The following ADD3 variants were observed in gnomAD, a reference collection of about 807,000 sequenced individuals.
The protein encoded by ADD3 is adducin 3.
In ADD3, 25 loss-of-function variants were observed where a neutral mutation model predicts 80.2. The ratio of observed to expected loss-of-function variants is 0.31; its 90% CI spans 0.23 to 0.44. The LOEUF is 0.44. Among genes scored for constraint, ADD3 ranks in the 20% least tolerant of loss-of-function variants. The pLI, the probability that ADD3 is intolerant of heterozygous loss-of-function variation, is 1.00. For missense variants in ADD3, 829 were observed against 847.5 expected (o/e 0.98, Z 0.27); for synonymous variants, 284 against 289.6 (o/e 0.98, Z 0.20).
intron 1 of ADD3, among the ~76,000 whole-genome samples, chr10:110,092,847 G>C (rs147800576): frequency 0.011 from 1,613 of 151,984 alleles, 11 homozygotes; most frequent in Non-Finnish European, 0.017. Context: ...CCTTTTCATA[G>C]AGTTGTGAAG....
At position 110,122,091 on chromosome 10, in the gene ADD3, A is replaced by G; in HGVS notation, c.961-19A>G. 6.3e-7 allele frequency: 1 copy of G among 1,593,142 alleles called. No homozygotes were observed. The highest frequency in any genetic ancestry group is 8.5e-7 in the Non-Finnish European group (1 of 1,170,318). ...TCTTTATAGTTTTGTGTCTCTGTATATTTTACCATTGATTACAGGTGCAGG... is the reference window on the plus strand; with the variant it reads ...TCTTTATAGTTTTGTGTCTCTGTATGTTTTACCATTGATTACAGGTGCAGG... On this transcript the variant is annotated intron_variant, in intron 8 of 14. Transcript: ENST00000356080.
intron 13 of ADD3, 80 bp from the exon 14 acceptor site, chr10:110,132,225 A>T: frequency 2.3e-6 from 2 of 873,488 alleles, no homozygotes; most frequent in Non-Finnish European, 3.8e-6. Flanking sequence ...CAGGCATTTG[A>T]TGTATGCACT....
chr10:110,037,231 A>G (rs1162673397), intron 1 of ADD3, among the ~76,000 whole-genome samples: 1 of 152,216 alleles, frequency 6.6e-6, no homozygotes, highest in Admixed American at 6.5e-5. Flanking sequence ...CAGTCTTACC[A>G]TGGGTTCCTA....
intron 1 of ADD3, among the ~76,000 whole-genome samples, chr10:110,065,728 C>T (rs560042993): frequency 1.6e-4 from 24 of 150,230 alleles, no homozygotes; most frequent in Middle Eastern, 3.4e-3. Context: ...TTAGTAGAGA[C>T]GAGGTTTCAC....
At chr10:110,123,768 G>A (rs7906734) in intron 9 of ADD3, 5 of 449,080 alleles carry the variant, frequency 1.1e-5, no homozygotes, top group African/African-American at 3.9e-5. Context: ...AGAACTGTTC[G>A]TTTGTCGGGA....
chr10:110,055,646 C>T (rs1055102485), intron 1 of ADD3, among the ~76,000 whole-genome samples: 2 of 152,116 alleles, frequency 1.3e-5, no homozygotes, highest in Non-Finnish European at 2.9e-5. Context: ...AGGCAGGCAT[C>T]AGAGTCTTTG....
chr10:110,029,423 T>C (rs1854721177), intron 1 of ADD3, among the ~76,000 whole-genome samples: 1 of 152,252 alleles, frequency 6.6e-6, no homozygotes, highest in African/African-American at 2.4e-5. Context: ...TAATTTGTAC[T>C]TTCTATGACA....
intron 1 of ADD3, among the ~76,000 whole-genome samples, chr10:110,055,003 C>T (rs563715988): frequency 6.6e-5 from 10 of 151,920 alleles, no homozygotes; most frequent in East Asian, 3.9e-4. Flanking sequence ...CCTCGTGATC[C>T]GCCTTCCTCT....
chr10:110,124,030 G>C lies in ADD3; in HGVS notation c.1157G>C (p.Gly386Ala). 6.2e-7 allele frequency: 1 copy of C among 1,614,108 alleles called. No homozygotes were observed. Among genetic ancestry groups the C allele is most frequent in the Non-Finnish European group, 8.5e-7 (1 of 1,180,008 alleles). Residue 386 changes from glycine to alanine, a missense_variant, in exon 10 of 15, where the codon GGC becomes GCC. By Grantham distance (60) the Gly-to-Ala change is moderately conservative (BLOSUM62 0). Transcript: ENST00000356080. Reference protein sequence around the residue: ...RTLDNLGYRTGYAYRHPLIRE... With the variant: ...RTLDNLGYRTAYAYRHPLIRE... ...TCCCTCCCTTAGGGGTATAGAACAG[G>C]CTATGCTTACAGGCATCCTCTCATT... is the stretch of plus-strand genomic sequence containing the variant.
At chr10:110,003,236 A>G (rs1456108974), upstream of ADD3, among the ~76,000 whole-genome samples, 2 of 151,982 alleles carry the variant, frequency 1.3e-5, no homozygotes, top group African/African-American at 4.8e-5. Context: ...CAAATGGCAT[A>G]TGCATATTTC....
intron 1 of ADD3, among the ~76,000 whole-genome samples, chr10:110,038,542 A>G (rs1246389446): frequency 3.9e-5 from 6 of 152,264 alleles, no homozygotes; most frequent in Non-Finnish European, 8.8e-5. Flanking sequence ...TCTTATTATT[A>G]ACTGTTCTTT....
At chr10:110,063,750 T>TATATATAATATATATA (rs1554926976) in intron 1 of ADD3, among the ~76,000 whole-genome samples, 1 of 45,838 alleles carries the variant, frequency 2.2e-5, no homozygotes, top group African/African-American at 7.7e-5. Context: ...TATATATATA[T>TATATATAATATATATA]ATATATATAT....
chr10:110,063,429 C>A (rs995675440), intron 1 of ADD3, among the ~76,000 whole-genome samples: 1 of 151,880 alleles, frequency 6.6e-6, no homozygotes, highest in Non-Finnish European at 1.5e-5. Context: ...GGATCACTTA[C>A]ATTTTGTATA....
In ADD3 at chr10:110,124,126, A is replaced by T. The variant is rs1280914446; in HGVS notation, c.1253A>T (p.Asp418Val). The change falls in exon 10 of 15, where the codon GAT (aspartate) becomes GTT (valine). Residue 418 changes from aspartate to valine, a missense_variant. By Grantham distance (152) the Asp-to-Val change is radical. Coordinates refer to ENST00000356080, the MANE Select transcript of ADD3 (RefSeq NM_016824.5). ...ATVTAFSFED[D>V]TVPLSPLKYM... ...GTGACTGCTTTTTCCTTTGAAGACG[A>T]TACAGTGCCACTCTCTCCTCTCAAA... 14 of 1,614,180 alleles carry T rather than the reference A, an allele frequency of 8.7e-6. No homozygotes were observed. Among genetic ancestry groups the T allele is most frequent in the Non-Finnish European group, 1.2e-5 (14 of 1,180,014 alleles).
At chr10:110,125,453 C>T (rs889650177) in intron 10 of ADD3, among the ~76,000 whole-genome samples, 8 of 150,546 alleles carry the variant, frequency 5.3e-5, no homozygotes, top group African/African-American at 2.0e-4. Flanking sequence ...TTGATTACTC[C>T]TTTGCCATCT....
intron 2 of ADD3, among the ~76,000 whole-genome samples, chr10:110,103,684 T>C (rs1348935524): frequency 1.3e-5 from 2 of 152,166 alleles, no homozygotes; most frequent in Non-Finnish European, 2.9e-5. Flanking sequence ...GAGGAGAGAA[T>C]TGTCCACTCT....
At chr10:110,028,662 T>G (rs546541763) in intron 1 of ADD3, among the ~76,000 whole-genome samples, 1 of 152,238 alleles carries the variant, frequency 6.6e-6, no homozygotes, top group Non-Finnish European at 1.5e-5. Context: ...GTTGAGATTT[T>G]AATTCAGTAC....
intron 1 of ADD3, among the ~76,000 whole-genome samples, chr10:110,027,759 TGAAAG>T (rs1253287964): frequency 6.6e-6 from 1 of 152,138 alleles, no homozygotes; most frequent in Non-Finnish European, 1.5e-5. Flanking sequence ...CCTCTATAAT[TGAAAG>T]GAAAATGAGA....
chr10:110,130,327 T>C, intron 12 of ADD3, 36 bp from the exon 13 acceptor site: 1 of 1,606,564 alleles, frequency 6.2e-7, no homozygotes. Flanking sequence ...AGTAAAACTC[T>C]TGGTAATGAA....
Sources: allele counts gnomAD v4.1 joint callset (sites outside exome capture counted in the v4.1 genomes callset), GRCh38; gene constraint gnomAD v4.1.1; transcripts MANE v1.5; gene names NCBI Gene and HGNC (gene_info 2026-07-23, HGNC 2026-07-21).